SLC5A4: variants seen among roughly 807,000 people sequenced by gnomAD.
SLC5A4 encodes probable glucose sensor protein SLC5A4.
SLC5A4 carries 55 observed loss-of-function variants against 70.3 expected under a neutral mutation model. The ratio of observed to expected loss-of-function variants is 0.78; its 90% CI spans 0.63 to 0.98. SLC5A4 has a LOEUF of 0.98. SLC5A4 is among the 50% of genes least tolerant of loss of function. SLC5A4 has a pLI of 0.00. For synonymous variants in SLC5A4, 268 were observed against 305.7 expected, an observed-to-expected ratio of 0.88 and a Z score of 1.29; for missense variants, 735 against 839.2, an observed-to-expected ratio of 0.88 and a Z score of 1.53.
the SLC5A4 span, among the ~76,000 whole-genome samples, chr22:32,280,615 C>T: frequency 6.6e-6 from 1 of 152,216 alleles, no homozygotes; most frequent in Non-Finnish European, 1.5e-5. Context: ...TTTGTCTCTC[C>T]ACTGAGGGCA....
chr22:32,316,934 C>CTCTCTGTGTGTGTGTGTG, the SLC5A4 span, among the ~76,000 whole-genome samples: 1 of 148,622 alleles, frequency 6.7e-6, no homozygotes, highest in African/African-American at 2.5e-5. Flanking sequence ...ATTAACAACT[C>CTCTCTGTGTGTGTGTGTG]TGTGTGTGTG....
At chr22:32,301,932 A>C in the SLC5A4 span, among the ~76,000 whole-genome samples, 1 of 152,156 alleles carries the variant, frequency 6.6e-6, no homozygotes, top group East Asian at 1.9e-4. Flanking sequence ...TTGGATATCC[A>C]CATGAAAAAG....
At chr22:32,235,229 G>A (rs1925994826) in intron 7 of SLC5A4, 136 bp from the exon 8 acceptor site, 1 of 629,250 alleles carries the variant, frequency 1.6e-6, no homozygotes, top group East Asian at 2.7e-5. Flanking sequence ...CCTCTCCCAG[G>A]TCCATGTCTT....
chr22:32,267,212 A>C, the SLC5A4 span, among the ~76,000 whole-genome samples: 2,283 of 152,320 alleles, frequency 0.015, 49 homozygotes, highest in African/African-American at 0.052. Context: ...CTTTGTGGCA[A>C]TCTGCTTATG....
the SLC5A4 span, among the ~76,000 whole-genome samples, chr22:32,314,935 CTGGGTTCCTCCCAT>C: frequency 1.3e-5 from 2 of 152,176 alleles, no homozygotes; most frequent in Non-Finnish European, 2.9e-5. Flanking sequence ...TTACCTCCCA[CTGGGTTCCTCCCAT>C]GACACATGGG....
At chr22:32,251,922 C>T (rs560240571) in intron 2 of SLC5A4, 48 bp from the exon 3 acceptor site, 4 of 1,389,708 alleles carry the variant, frequency 2.9e-6, no homozygotes, top group Non-Finnish European at 4.1e-6. Context: ...AGATCCAAAT[C>T]AGACTTCTTG....
rs1464023137 is a variant in SLC5A4, at chr22:32,218,548, G to T, written c.1946C>A (p.Ala649Asp). The T allele has an allele frequency of 6.2e-7, 1 of 1,611,824 alleles. No homozygotes were observed. The highest frequency in any genetic ancestry group is 2.2e-5 in the East Asian group (1 of 44,676). Residue 649 changes from alanine to aspartate, a missense_variant, in exon 15 of 15, where the codon GCT becomes GAT. By Grantham distance (126) the Ala-to-Asp change is moderately radical. Coordinates refer to ENST00000266086, the MANE Select transcript of SLC5A4 (RefSeq NM_014227.3). ...GTAGCCGTGAATAAAGACCACCACAGCCAGGAGGAGGATGGCGTTGATGTT... is the reference window on the plus strand; with the variant it reads ...GTAGCCGTGAATAAAGACCACCACATCCAGGAGGAGGATGGCGTTGATGTT... ...IVNINAILLL[A>D]VVVFIHGYYA
the SLC5A4 span, chr22:32,273,025 G>A: frequency 3.7e-6 from 2 of 539,316 alleles, no homozygotes; most frequent in Non-Finnish European, 3.7e-6. Context: ...CCATGGAGCA[G>A]CAAGCTGGCC....
chr22:32,266,253 C>T, the SLC5A4 span, among the ~76,000 whole-genome samples: 2 of 152,044 alleles, frequency 1.3e-5, no homozygotes, highest in African/African-American at 2.4e-5. Context: ...TATGAGATGC[C>T]AGGGGCCCGT....
At chr22:32,294,401 G>A in the SLC5A4 span, among the ~76,000 whole-genome samples, 2 of 152,092 alleles carry the variant, frequency 1.3e-5, no homozygotes, top group Non-Finnish European at 2.9e-5. Context: ...GTAGTACAGA[G>A]ACATTCTTTT....
the SLC5A4 span, among the ~76,000 whole-genome samples, chr22:32,302,568 G>A: frequency 6.6e-6 from 1 of 152,052 alleles, no homozygotes; most frequent in African/African-American, 2.4e-5. Flanking sequence ...AGCACCATTT[G>A]TTGGAAAGCC....
Position 32,239,474 on chromosome 22 carries a change from G to T in SLC5A4, c.478-384C>A, listed in dbSNP as rs190939662. 2.6e-4 allele frequency among the ~76,000 whole-genome samples: 34 copies of T among 128,664 alleles called. No individual in the cohort carries two copies. The East Asian group carries it at 8.2e-3, about 31-fold the overall frequency. 84.4% of individuals were successfully genotyped at this position (128,664 alleles called of 152,430 possible). On this transcript the variant is annotated intron_variant, in intron 5 of 14. Coordinates refer to ENST00000266086, the MANE Select transcript of SLC5A4 (RefSeq NM_014227.3). The stretch of plus-strand genomic sequence containing the variant: ...TTGAGCCCAGGAGTTTGAGGCTGCA[G>T]TGAGCAGTAATTGAGTCACTGCACT...
chr22:32,324,258 C>CATATGTATGTGTATATAT, the SLC5A4 span, among the ~76,000 whole-genome samples: 296 of 142,502 alleles, frequency 2.1e-3, 3 homozygotes, highest in African/African-American at 6.9e-3. Flanking sequence ...TATATATACA[C>CATATGTATGTGTATATAT]ACATATATGT....
At position 32,225,757 on chromosome 22, in the gene SLC5A4, A is replaced by C; in HGVS notation, c.1347T>G (p.Asn449Lys). Residue 449 changes from asparagine to lysine, a missense_variant, in exon 12 of 15, where the codon AAT becomes AAG. Asn to Lys is a moderately conservative substitution (Grantham distance 94). Transcript: ENST00000266086. Reference protein sequence around the residue: ...VWVPLVQVSQNGQLIHYTESI... With the variant: ...VWVPLVQVSQKGQLIHYTESI... ...ATTCTGTGTAATGGATTAGTTGTCC[A>C]TTTTGAGAAACTTGTACCAGTGGGA... 6.2e-7 allele frequency: 1 copy of C among 1,612,756 alleles called. No individual in the cohort carries two copies. The highest frequency in any genetic ancestry group is 2.2e-5 in the East Asian group (1 of 44,864).
chr22:32,271,237 G>C, the SLC5A4 span: 2 of 793,358 alleles, frequency 2.5e-6, no homozygotes, highest in Admixed American at 4.0e-5. Context: ...GAACTTCCCT[G>C]TGGGGCAGCG....
the SLC5A4 span, among the ~76,000 whole-genome samples, chr22:32,314,821 C>CAGAG: frequency 0.049 from 7,411 of 152,186 alleles, 304 homozygotes; most frequent in Admixed American, 0.1. Flanking sequence ...GGCAAAGGGA[C>CAGAG]AGAGAGAGTG....
At chr22:32,336,156 T>C in the SLC5A4 span, among the ~76,000 whole-genome samples, 5 of 146,650 alleles carry the variant, frequency 3.4e-5, no homozygotes, top group African/African-American at 1.1e-4. Context: ...CTGAACTAAA[T>C]TGGTTTTTGG....
chr22:32,320,873 G>T, the SLC5A4 span, among the ~76,000 whole-genome samples: 1 of 152,048 alleles, frequency 6.6e-6, no homozygotes, highest in African/African-American at 2.4e-5. Flanking sequence ...TCACCACCAT[G>T]CTCTGTGGAC....
the SLC5A4 span, among the ~76,000 whole-genome samples, chr22:32,306,101 A>G: frequency 4.8e-4 from 73 of 152,280 alleles, 1 homozygote; most frequent in East Asian, 0.011. Flanking sequence ...GAAACATTGA[A>G]GCAAACGTCA....
Sources: allele counts gnomAD v4.1 joint callset (sites outside exome capture counted in the v4.1 genomes callset), GRCh38; gene constraint gnomAD v4.1.1; transcripts MANE v1.5; gene names NCBI Gene and HGNC (gene_info 2026-07-23, HGNC 2026-07-21).